KRIT1: variants seen among roughly 807,000 people sequenced by gnomAD.
KRIT1 encodes KRIT1 ankyrin repeat containing.
In KRIT1, 45 loss-of-function variants were observed where a neutral mutation model predicts 95.8. That is an observed-to-expected ratio of 0.47 (90% CI 0.37 to 0.60). The LOEUF (loss-of-function observed/expected upper bound fraction) is 0.60. Among genes scored for constraint, KRIT1 ranks in the 20% least tolerant of loss-of-function variants. The pLI is 0.00. For missense variants in KRIT1, 788 were observed against 877.5 expected, an observed-to-expected ratio of 0.90 and a Z score of 1.29; for synonymous variants, 282 against 278.8, an observed-to-expected ratio of 1.01 and a Z score of -0.11.
At chr7:92,237,002 A>G (rs1218080833) in intron 6 of KRIT1, among the ~76,000 whole-genome samples, 1 of 152,166 alleles carries the variant, frequency 6.6e-6, no homozygotes, top group Admixed American at 6.5e-5. Flanking sequence ...AGTACTCTAT[A>G]GTTTCCAAGG....
At chr7:92,241,963 G>A (rs547547955) in intron 4 of KRIT1, 71 bp downstream of exon 4, 1 of 859,982 alleles carries the variant, frequency 1.2e-6, no homozygotes, top group South Asian at 1.4e-5. Context: ...GATATAATAA[G>A]GCTTTATATG....
chr7:92,206,063 T>A (rs1791416306), intron 17 of KRIT1: 1 of 153,004 alleles, frequency 6.5e-6, no homozygotes, highest in Non-Finnish European at 1.5e-5. Context: ...TGCCCACCAC[T>A]GCCACCAGCA....
At chr7:92,206,277 T>C (rs1791466507) in intron 17 of KRIT1, 2 of 152,562 alleles carry the variant, frequency 1.3e-5, no homozygotes, top group African/African-American at 2.4e-5. Context: ...TTAAGTACTG[T>C]TATGCTCTGC....
chr7:92,208,590 C>A (rs867901965), intron 17 of KRIT1, among the ~76,000 whole-genome samples: 15 of 151,858 alleles, frequency 9.9e-5, no homozygotes, highest in African/African-American at 3.6e-4. Context: ...CAATGATAGG[C>A]TAACAAATTG....
At chr7:92,208,472 C>T (rs1792053133) in intron 17 of KRIT1, among the ~76,000 whole-genome samples, 2 of 151,856 alleles carry the variant, frequency 1.3e-5, no homozygotes, top group African/African-American at 4.8e-5. Context: ...GTTAGGTAGA[C>T]TAACCAAGAG....
rs569733779 is a variant in KRIT1, at chr7:92,221,967, G to A, written c.1498C>T (p.Gln500Ter). The change falls in exon 14 of 19, where the codon CAA becomes TAA. Residue 500 changes from glutamine to a stop codon, truncating the protein, a stop_gained. Coordinates refer to ENST00000394505, the MANE Select transcript of KRIT1 (RefSeq NM_194454.3). LOFTEE classifies it high-confidence loss of function. ...AGAAAAAGCTGAGGTGTTTCCCTTT[G>A]AGGATCCAGATTAGTCAATTCAGCA... is the stretch of plus-strand genomic sequence containing the variant. ...ILAELTNLDPQRETPQLFLRR... is the reference protein window; with the variant it reads ...ILAELTNLDP 1.2e-6 allele frequency: 2 copies of A among 1,613,522 alleles called. No individual in the cohort carries two copies. The highest frequency in any genetic ancestry group is 1.1e-5 in the South Asian group (1 of 91,060).
chr7:92,244,188 C>T (rs534851339), intron 2 of KRIT1, 39 bp from the exon 3 acceptor site: 1 of 152,284 alleles, frequency 6.6e-6, no homozygotes, highest in South Asian at 2.1e-4. Context: ...ATTGTGAATA[C>T]ACTGTATGAT....
chr7:92,214,196 ATTTT>A (rs1793463169), intron 15 of KRIT1, among the ~76,000 whole-genome samples: 1 of 152,160 alleles, frequency 6.6e-6, no homozygotes, highest in African/African-American at 2.4e-5. Flanking sequence ...ACCAGAAAAT[ATTTT>A]TGAAAATTGA....
At chr7:92,209,840 A>T (rs1382409164) in intron 17 of KRIT1, among the ~76,000 whole-genome samples, 1 of 152,112 alleles carries the variant, frequency 6.6e-6, no homozygotes, top group African/African-American at 2.4e-5. Flanking sequence ...AGGTGGGTGG[A>T]TCACCTGAGG....
At position 92,244,035 on chromosome 7, in the gene KRIT1, A is replaced by T. The variant is rs1487259937; in HGVS notation, c.-36T>A. 6.6e-6 allele frequency: 1 copy of T among 152,164 alleles called. No homozygotes were observed. Among genetic ancestry groups the T allele is most frequent in the Admixed American group, 6.5e-5 (1 of 15,286 alleles). 9.4% of individuals were successfully genotyped at this position (152,164 alleles called of 1,614,324 possible). On this transcript the variant is annotated 5_prime_UTR_variant, in exon 3 of 19. Transcript: ENST00000394505. ...ACAGACCTTCCTACATCATGTGAAA[A>T]GGATGAGGCCTTTTTCTTCTCAGAA...
In KRIT1 at chr7:92,225,847, G is replaced by A. The variant is rs1796099385; in HGVS notation, c.1147-20C>T. ...TATATGCTAGAAATGTGGGTGGGGA[G>A]GGGGAAAAAAGGCATTACATATTAT... On this transcript the variant is annotated intron_variant, in intron 11 of 18. Transcript: ENST00000394505. 3 of 1,356,304 alleles carry A rather than the reference G, an allele frequency of 2.2e-6. No individual in the cohort carries two copies. The highest frequency in any genetic ancestry group is 3.2e-6 in the Non-Finnish European group (3 of 946,702). 84.0% of individuals were successfully genotyped at this position (1,356,304 alleles called of 1,614,324 possible).
intron 17 of KRIT1, among the ~76,000 whole-genome samples, chr7:92,209,810 C>A (rs1792374991): frequency 6.6e-6 from 1 of 152,120 alleles, no homozygotes; most frequent in Non-Finnish European, 1.5e-5. Flanking sequence ...TGCCTGTAAT[C>A]CCAGCACTCT....
At chr7:92,208,316 C>T (rs1792015377) in intron 17 of KRIT1, among the ~76,000 whole-genome samples, 2 of 150,748 alleles carry the variant, frequency 1.3e-5, no homozygotes, top group Non-Finnish European at 3.0e-5. Flanking sequence ...AAAAACCAAC[C>T]CTGAAATTAG....
chr7:92,231,214 T>C (rs911046301), intron 10 of KRIT1, among the ~76,000 whole-genome samples: 8 of 152,184 alleles, frequency 5.3e-5, no homozygotes, highest in Non-Finnish European at 7.4e-5. Context: ...GTTAAAGCCA[T>C]TTTAAATATT....
Position 92,213,358 on chromosome 7 carries a change from A to C in KRIT1, c.1862T>G (p.Leu621Arg). The change falls in exon 17 of 19, where the codon CTT becomes CGT. Residue 621 changes from leucine to arginine, a missense_variant. Physicochemically the swap from Leu to Arg is moderately radical, Grantham distance 102 (BLOSUM62 -2). Around this residue, in one of 3 missense-constraint regions of KRIT1, gnomAD observed 493 missense variants for 582.3 expected, o/e 0.85. Transcript: ENST00000394505. ...GCAATTCTGTAAGAACATGCGCTGA[A>C]GGTGATGCATTTCTTTACTGACACC... is the stretch of plus-strand genomic sequence containing the variant. ...SEGVSKEMHH[L>R]QRMFLQNCWE... 1 of 1,613,552 alleles carries C rather than the reference A, an allele frequency of 6.2e-7. No homozygotes were observed. Among genetic ancestry groups the C allele is most frequent in the Non-Finnish European group, 8.5e-7 (1 of 1,179,580 alleles).
chr7:92,210,719 C>T (rs1036358604), intron 17 of KRIT1, among the ~76,000 whole-genome samples: 13 of 152,122 alleles, frequency 8.5e-5, no homozygotes, highest in Admixed American at 2.6e-4. Context: ...GCACAGCTAA[C>T]GTAACAATCG....
At chr7:92,223,115 A>T (rs1795468812) in intron 12 of KRIT1, 137 bp from the exon 13 acceptor site, 1 of 684,706 alleles carries the variant, frequency 1.5e-6, no homozygotes, top group South Asian at 1.8e-5. Flanking sequence ...TTTAAGTGAG[A>T]ATCTGTTGGT....
intron 1 of KRIT1, 109 bp downstream of exon 1, chr7:92,245,681 G>A (rs1359226815): frequency 2.0e-5 from 3 of 152,290 alleles, no homozygotes; most frequent in African/African-American, 7.3e-5. Context: ...AGCTTCCTGT[G>A]GCAGAAAAAC....
At chr7:92,225,072 G>A (rs905191195) in intron 12 of KRIT1, among the ~76,000 whole-genome samples, 10 of 152,040 alleles carry the variant, frequency 6.6e-5, no homozygotes, top group Non-Finnish European at 1.5e-4. Context: ...ATAACTGCTT[G>A]AACCTGGGAG....
Sources: gnomAD v4.1 joint callset for allele counts (sites outside exome capture counted in the v4.1 genomes callset) on GRCh38, gnomAD v4.1.1 for gene constraint, gnomAD v4.1.1 regional missense constraint, MANE v1.5 for transcripts, NCBI Gene and HGNC (gene_info 2026-07-23, HGNC 2026-07-21) for gene names.